The following PARD3 variants were observed in gnomAD, a reference collection of about 807,000 sequenced individuals.
PARD3 encodes par-3 family cell polarity regulator.
Under a neutral mutation model 155.4 loss-of-function variants are expected in PARD3, and 75 were observed. The ratio of observed to expected loss-of-function variants is 0.48; its 90% CI spans 0.40 to 0.58. The LOEUF (loss-of-function observed/expected upper bound fraction) is 0.58. PARD3 is among the 20% of genes least tolerant of loss of function. The pLI, the probability that PARD3 is intolerant of heterozygous loss-of-function variation, is 0.00. For synonymous variants in PARD3, 576 were observed against 610.5 expected, an observed-to-expected ratio of 0.94 and a Z score of 0.83; for missense variants, 1,642 against 1,721.7, an observed-to-expected ratio of 0.95 and a Z score of 0.82.
At chr10:34,137,691 C>G (rs1292721375) in intron 22 of PARD3, among the ~76,000 whole-genome samples, 1 of 152,160 alleles carries the variant, frequency 6.6e-6, no homozygotes, top group Non-Finnish European at 1.5e-5. Flanking sequence ...GTGCTCCTGA[C>G]TTCTACCATA....
intron 2 of PARD3, among the ~76,000 whole-genome samples, chr10:34,564,246 G>A (rs750343673): frequency 2.6e-5 from 4 of 152,186 alleles, no homozygotes; most frequent in Non-Finnish European, 5.9e-5. Flanking sequence ...GAGAAGTAGT[G>A]TGTCATCCAA....
At chr10:34,605,592 CTA>C (rs1168661937) in intron 2 of PARD3, among the ~76,000 whole-genome samples, 44 of 26,238 alleles carry the variant, frequency 1.7e-3, no homozygotes, top group Non-Finnish European at 2.4e-3. Context: ...TATATATCTC[CTA>C]TATATATATA....
intron 2 of PARD3, among the ~76,000 whole-genome samples, chr10:34,547,597 C>G (rs2084192532): frequency 6.6e-6 from 1 of 152,104 alleles, no homozygotes; most frequent in Non-Finnish European, 1.5e-5. Context: ...TCACTGAAGG[C>G]AGGGTAGTGG....
intron 22 of PARD3, among the ~76,000 whole-genome samples, chr10:34,194,303 G>A (rs377362451): frequency 7.2e-5 from 11 of 152,122 alleles, no homozygotes; most frequent in Non-Finnish European, 1.3e-4. Flanking sequence ...CGTGGAAGTT[G>A]CCCACCCAGA....
Position 34,392,583 on chromosome 10 carries a change from G to A in PARD3, c.890+6747C>T, listed in dbSNP as rs537439126. 2.0e-5 allele frequency among the ~76,000 whole-genome samples: 3 copies of A among 152,256 alleles called. No homozygotes were observed. The South Asian group carries it at 6.2e-4, about 32-fold the overall frequency. On this transcript the variant is annotated intron_variant, in intron 7 of 24. Coordinates refer to ENST00000374788, the MANE Select transcript of PARD3 (RefSeq NM_001184785.2). ...TCACAGGGCCTGATTTTCTAACTGT[G>A]AAACTTTAGATTTTTCCTTAAGTCT... is the stretch of plus-strand genomic sequence containing the variant.
At chr10:34,635,838 T>C (rs150539270) in intron 2 of PARD3, among the ~76,000 whole-genome samples, 280 of 152,246 alleles carry the variant, frequency 1.8e-3, no homozygotes, top group African/African-American at 6.1e-3. Context: ...CCCAGATTAA[T>C]AGACAAAGTC....
chr10:34,254,180 G>A (rs1954505799), intron 22 of PARD3, among the ~76,000 whole-genome samples: 1 of 152,150 alleles, frequency 6.6e-6, no homozygotes, highest in Non-Finnish European at 1.5e-5. Flanking sequence ...AGGCGTTCGA[G>A]ACCAGCCTGG....
chr10:34,201,425 TAA>T lies in PARD3; in HGVS notation c.3419+68230_3419+68231del, dbSNP rs938948552. 1.1e-4 allele frequency among the ~76,000 whole-genome samples: 16 copies of T among 152,302 alleles called. No individual in the cohort carries two copies. The East Asian group carries it at 3.1e-3, about 29-fold the overall frequency. On this transcript the variant is annotated intron_variant, in intron 22 of 24. Transcript: ENST00000374788. ...ACAAACGCAGATCCTTATCTCAGCG[TAA>T]AAAGTTTATTTAAATAAATTATGAA... is the stretch of plus-strand genomic sequence containing the variant.
chr10:34,578,541 C>A (rs1191323884), intron 2 of PARD3, among the ~76,000 whole-genome samples: 2 of 152,152 alleles, frequency 1.3e-5, no homozygotes, highest in Non-Finnish European at 2.9e-5. Context: ...TGCCAAGCAC[C>A]ACAGTTGTAA....
At chr10:34,191,658 G>A (rs1447453096) in intron 22 of PARD3, among the ~76,000 whole-genome samples, 1 of 150,646 alleles carries the variant, frequency 6.6e-6, no homozygotes, top group African/African-American at 2.5e-5. Context: ...GGGGGTGGGG[G>A]TGAAGATGGG....
Position 34,645,180 on chromosome 10 carries a change from A to ATTTTAT in PARD3, c.222+51132_222+51137dup, listed in dbSNP as rs2132989991. On this transcript the variant is annotated intron_variant, in intron 2 of 24. Transcript: ENST00000374788. ...CACTATTTTTATTTTATTTTATTTTATTTTATTTTTATTTTATTTTGATTT... is the reference window on the plus strand; with the variant it reads ...CACTATTTTTATTTTATTTTATTTTATTTTATTTTTATTTTTATTTTATTTTGATTT... 2.8e-5 allele frequency among the ~76,000 whole-genome samples: 4 copies of ATTTTAT among 143,666 alleles called. 1 individual carries two copies. The highest frequency in any genetic ancestry group is 1.0e-4 in the African/African-American group (4 of 38,248). 94.3% of individuals were successfully genotyped at this position (143,666 alleles called of 152,430 possible).
intron 1 of PARD3, among the ~76,000 whole-genome samples, chr10:34,752,276 TAA>T (rs75199461): frequency 5.6e-5 from 8 of 142,326 alleles, no homozygotes; most frequent in Admixed American, 1.4e-4. Context: ...GCCTTTAGCT[TAA>T]AAAAAAAAAA....
intron 17 of PARD3, among the ~76,000 whole-genome samples, 167 bp downstream of exon 17, chr10:34,337,108 T>C (rs1223266492): frequency 6.6e-6 from 1 of 152,182 alleles, no homozygotes; most frequent in African/African-American, 2.4e-5. Context: ...TTATGAGTAA[T>C]ATCGTTATCT....
At chr10:34,322,891 T>G (rs1180724776) in intron 19 of PARD3, among the ~76,000 whole-genome samples, 1 of 152,162 alleles carries the variant, frequency 6.6e-6, no homozygotes, top group African/African-American at 2.4e-5. Flanking sequence ...AATTTACAAT[T>G]TATATTGAAA....
chr10:34,295,971 G>A (rs1395381301), intron 20 of PARD3, among the ~76,000 whole-genome samples: 2 of 152,188 alleles, frequency 1.3e-5, no homozygotes, highest in East Asian at 1.9e-4. Context: ...AACGCGGAAA[G>A]AAGGAAAACT....
chr10:34,133,894 C>T (rs1181822075), intron 22 of PARD3, among the ~76,000 whole-genome samples: 1 of 152,178 alleles, frequency 6.6e-6, no homozygotes, highest in East Asian at 1.9e-4. Flanking sequence ...ACTAGAGCTT[C>T]TAGAATATAC....
intron 3 of PARD3, among the ~76,000 whole-genome samples, chr10:34,503,368 T>C (rs2133451547): frequency 6.6e-6 from 1 of 152,282 alleles, no homozygotes; most frequent in South Asian, 2.1e-4. Context: ...TTTTTCCATA[T>C]TATGGTTGGG....
intron 3 of PARD3, among the ~76,000 whole-genome samples, chr10:34,505,560 C>T (rs2081006136): frequency 6.6e-6 from 1 of 152,148 alleles, no homozygotes. Flanking sequence ...TCCTAACGGG[C>T]CACATGTCAA....
At chr10:34,228,457 C>T (rs1005575771) in intron 22 of PARD3, among the ~76,000 whole-genome samples, 2 of 152,044 alleles carry the variant, frequency 1.3e-5, no homozygotes, top group African/African-American at 4.8e-5. Context: ...TACATATTAA[C>T]GGTTCCATTT....
Sources: allele counts gnomAD v4.1 joint callset (sites outside exome capture counted in the v4.1 genomes callset), GRCh38; gene constraint gnomAD v4.1.1; transcripts MANE v1.5; gene names NCBI Gene and HGNC (gene_info 2026-07-23, HGNC 2026-07-21).